The following MYT1L variants were observed in gnomAD, a reference collection of about 807,000 sequenced individuals.
MYT1L encodes myelin transcription factor 1 like.
In MYT1L, 12 loss-of-function variants were observed where a neutral mutation model predicts 126.7. The observed-to-expected ratio is 0.09, with a 90% CI of 0.06 to 0.15. The LOEUF is 0.15. Ranked by LOEUF, MYT1L falls within the 10% of genes least tolerant of loss-of-function variation. The pLI, the probability that MYT1L is intolerant of heterozygous loss-of-function variation, is 1.00. For missense variants in MYT1L, 979 were observed against 1,585.2 expected, an observed-to-expected ratio of 0.62 and a Z score of 6.49; for synonymous variants, 541 against 604.2, an observed-to-expected ratio of 0.90 and a Z score of 1.53.
intron 21 of MYT1L, among the ~76,000 whole-genome samples, chr2:1,810,829 G>A (rs2036500941): frequency 6.6e-6 from 1 of 152,134 alleles, no homozygotes; most frequent in African/African-American, 2.4e-5. Flanking sequence ...ACAGGTCTAA[G>A]TTGTTATTTT....
chr2:2,105,632 C>A (rs2078657435), intron 3 of MYT1L, among the ~76,000 whole-genome samples: 1 of 152,230 alleles, frequency 6.6e-6, no homozygotes, highest in Non-Finnish European at 1.5e-5. Context: ...GTTGTCCTTG[C>A]AGAGATTTCA....
intron 8 of MYT1L, among the ~76,000 whole-genome samples, chr2:1,952,642 C>T (rs770903891): frequency 4.8e-4 from 72 of 149,902 alleles, no homozygotes; most frequent in Non-Finnish European, 6.5e-4. Context: ...TTGTGTGCCA[C>T]GGCACACCAC....
intron 2 of MYT1L, among the ~76,000 whole-genome samples, chr2:2,241,929 G>A (rs2149145126): frequency 6.6e-6 from 1 of 152,176 alleles, no homozygotes; most frequent in South Asian, 2.1e-4. Flanking sequence ...ACCCAGAGAT[G>A]GGTGTGTCTA....
chr2:2,086,153 T>C (rs140865756), intron 3 of MYT1L, among the ~76,000 whole-genome samples: 22 of 152,264 alleles, frequency 1.4e-4, no homozygotes, highest in South Asian at 8.3e-4. Context: ...AAGGGAACAG[T>C]GAGTATGGAG....
intron 8 of MYT1L, among the ~76,000 whole-genome samples, chr2:1,944,404 C>T (rs769370454): frequency 2.2e-4 from 34 of 152,160 alleles, no homozygotes; most frequent in Non-Finnish European, 4.3e-4. Context: ...AGGCAAACTA[C>T]CGCAGGCAAA....
intron 3 of MYT1L, among the ~76,000 whole-genome samples, chr2:2,147,449 C>T (rs1232326287): frequency 2.0e-5 from 3 of 152,234 alleles, no homozygotes; most frequent in African/African-American, 7.2e-5. Flanking sequence ...CCAGGAAGGA[C>T]CGTTCCCTCC....
chr2:2,010,016 C>A (rs1036613499), intron 4 of MYT1L, among the ~76,000 whole-genome samples: 1 of 150,024 alleles, frequency 6.7e-6, no homozygotes, highest in African/African-American at 2.5e-5. Flanking sequence ...GGATGCATCA[C>A]ATTGATTGAT....
chr2:1,965,936 C>T (rs914529816), intron 8 of MYT1L, among the ~76,000 whole-genome samples: 3 of 152,236 alleles, frequency 2.0e-5, no homozygotes, highest in Non-Finnish European at 2.9e-5. Context: ...AGTTACGTGC[C>T]GGGTGGCCCT....
In MYT1L at chr2:2,228,698, G is replaced by C. The variant is rs1055283056; in HGVS notation, c.-421+55706C>G. On this transcript the variant is annotated intron_variant, in intron 2 of 24. Transcript: ENST00000647738. This position sits in a 1 kb window ranked among gnomAD's most constrained non-coding sequence, Gnocchi z 5.9. ...TATATAACTTAGCAGGTATAAAAAG[G>C]TTTCAACCTTAATATTACAGAGAAG... Among the ~76,000 whole-genome samples the C allele has an allele frequency of 1.3e-5, 2 of 151,960 alleles. No homozygotes were observed. The highest frequency in any genetic ancestry group is 2.9e-5 in the Non-Finnish European group (2 of 67,998).
At chr2:2,081,431 C>G (rs1306718649) in intron 3 of MYT1L, among the ~76,000 whole-genome samples, 1 of 152,224 alleles carries the variant, frequency 6.6e-6, no homozygotes, top group African/African-American at 2.4e-5. Context: ...AAATTGCTTT[C>G]TCAATGGTAC....
chr2:1,813,240 G>A (rs1223583421), intron 21 of MYT1L, among the ~76,000 whole-genome samples: 1 of 152,212 alleles, frequency 6.6e-6, no homozygotes, highest in Non-Finnish European at 1.5e-5. Flanking sequence ...CTCCCAGCGA[G>A]CAGCCTCTGC....
At chr2:2,153,898 C>T (rs1268625090) in intron 3 of MYT1L, among the ~76,000 whole-genome samples, 1 of 151,990 alleles carries the variant, frequency 6.6e-6, no homozygotes, top group African/African-American at 2.4e-5. Flanking sequence ...CCGGGTGCAG[C>T]GTGTGAGAGG....
At chr2:2,135,208 G>A (rs1434688909) in intron 3 of MYT1L, among the ~76,000 whole-genome samples, 1 of 151,940 alleles carries the variant, frequency 6.6e-6, no homozygotes, top group Non-Finnish European at 1.5e-5. Context: ...GGGGCCTGGT[G>A]GAGGGTAATT....
intron 3 of MYT1L, among the ~76,000 whole-genome samples, chr2:2,082,089 AT>A (rs2150322440): frequency 6.6e-6 from 1 of 152,298 alleles, no homozygotes; most frequent in African/African-American, 2.4e-5. Flanking sequence ...AAAAAGGCTG[AT>A]AGAATGATAG....
intron 2 of MYT1L, among the ~76,000 whole-genome samples, chr2:2,262,389 A>G (rs899349237): frequency 2.6e-5 from 4 of 151,360 alleles, no homozygotes; most frequent in Non-Finnish European, 1.5e-5. Context: ...ACAAACAACA[A>G]CAAAAAAAAA....
At chr2:1,993,944 CTTCT>C (rs770725984) in intron 5 of MYT1L, among the ~76,000 whole-genome samples, 55 of 152,306 alleles carry the variant, frequency 3.6e-4, no homozygotes, top group Non-Finnish European at 7.3e-4. Context: ...GCCTGTTTTT[CTTCT>C]TTCTTTTCAC....
chr2:1,900,393 G>A (rs1261034539), intron 14 of MYT1L, among the ~76,000 whole-genome samples: 3 of 151,808 alleles, frequency 2.0e-5, no homozygotes, highest in Admixed American at 6.6e-5. Context: ...TCCGCCTCCC[G>A]GGTTCATGCC....
At chr2:2,040,006 G>A (rs754614702) in intron 4 of MYT1L, among the ~76,000 whole-genome samples, 22 of 152,150 alleles carry the variant, frequency 1.4e-4, no homozygotes, top group Admixed American at 5.2e-4. Flanking sequence ...AGGTGTATGC[G>A]TGAGGGCCTG....
intron 4 of MYT1L, among the ~76,000 whole-genome samples, chr2:2,015,109 T>G (rs2064239824): frequency 6.6e-6 from 1 of 152,118 alleles, no homozygotes; most frequent in Non-Finnish European, 1.5e-5. Flanking sequence ...GGTGTCCTGG[T>G]GTGGGATGAA....
Sources: gnomAD v4.1 joint callset for allele counts (sites outside exome capture counted in the v4.1 genomes callset) on GRCh38, gnomAD v4.1.1 for gene constraint, Gnocchi (gnomAD v3.1) non-coding constraint, MANE v1.5 for transcripts, NCBI Gene and HGNC (gene_info 2026-07-23, HGNC 2026-07-21) for gene names.